Variants in CLASP2 observed in about 807,000 individuals in gnomAD.
CLASP2 encodes the protein CLIP-associating protein 2.
CLASP2 carries 47 observed loss-of-function variants against 194.4 expected under a neutral mutation model. The observed-to-expected ratio is 0.24, with a 90% confidence interval of 0.19 to 0.31. CLASP2 has a LOEUF of 0.31. Ranked by LOEUF, CLASP2 falls within the 10% of genes least tolerant of loss-of-function variation. The pLI is 1.00. For synonymous variants in CLASP2, 619 were observed against 633.5 expected (o/e 0.98, Z 0.34); for missense variants, 1,445 against 1,823.6 (o/e 0.79, Z 3.78).
At chr3:33,554,422 G>A (rs888971242) in intron 29 of CLASP2, among the ~76,000 whole-genome samples, 2 of 152,276 alleles carry the variant, frequency 1.3e-5, no homozygotes, top group East Asian at 3.9e-4. Flanking sequence ...GACAAATACT[G>A]TATGATCTTA....
At chr3:33,717,484 T>C (rs185454739) in intron 1 of CLASP2, among the ~76,000 whole-genome samples, 1 of 152,094 alleles carries the variant, frequency 6.6e-6, no homozygotes. Flanking sequence ...TGGAGTGCAG[T>C]GGCTCGATCT....
At chr3:33,640,735 T>C (rs1210628215) in intron 8 of CLASP2, among the ~76,000 whole-genome samples, 3 of 152,004 alleles carry the variant, frequency 2.0e-5, no homozygotes, top group East Asian at 1.9e-4. Flanking sequence ...GCCAAAATGA[T>C]TGATACAGGA....
chr3:33,647,643 G>A (rs1352135169), intron 7 of CLASP2, among the ~76,000 whole-genome samples: 2 of 152,188 alleles, frequency 1.3e-5, no homozygotes, highest in Admixed American at 1.3e-4. Flanking sequence ...GAGTGCAGTT[G>A]TGCTTCAATA....
chr3:33,605,830 C>T (rs1444105290), intron 16 of CLASP2, among the ~76,000 whole-genome samples: 3 of 152,036 alleles, frequency 2.0e-5, no homozygotes, highest in South Asian at 2.1e-4. Context: ...AGGCTGGTCT[C>T]GAACTCCTGA....
intron 7 of CLASP2, among the ~76,000 whole-genome samples, chr3:33,656,135 C>A (rs1024646287): frequency 6.6e-6 from 1 of 152,150 alleles, no homozygotes; most frequent in African/African-American, 2.4e-5. Flanking sequence ...AAAAGCCCCC[C>A]AAACCCACCC....
chr3:33,540,913 C>T (rs1384320599), intron 32 of CLASP2, among the ~76,000 whole-genome samples: 1 of 151,980 alleles, frequency 6.6e-6, no homozygotes, highest in East Asian at 1.9e-4. Flanking sequence ...GCTGGAACTA[C>T]CGGCATGCAC....
chr3:33,503,053 A>G (rs2047188654), intron 37 of CLASP2: 1 of 152,168 alleles, frequency 6.6e-6, no homozygotes, highest in African/African-American at 2.4e-5. Context: ...ATGGCATTCA[A>G]TGTTTAAATA....
At chr3:33,648,332 A>T (rs1218676168) in intron 7 of CLASP2, among the ~76,000 whole-genome samples, 2 of 152,106 alleles carry the variant, frequency 1.3e-5, no homozygotes, top group Non-Finnish European at 2.9e-5. Flanking sequence ...AATCAAAAGA[A>T]AGCTGGTGTA....
At chr3:33,657,412 T>A (rs536907941) in intron 7 of CLASP2, among the ~76,000 whole-genome samples, 33 of 152,166 alleles carry the variant, frequency 2.2e-4, no homozygotes, top group Middle Eastern at 3.4e-3. Context: ...GTTACTTTTT[T>A]AAAAATAATT....
chr3:33,524,010 C>T (rs2053841911), intron 34 of CLASP2, among the ~76,000 whole-genome samples: 1 of 151,794 alleles, frequency 6.6e-6, no homozygotes, highest in Non-Finnish European at 1.5e-5. Flanking sequence ...CAACTAAACA[C>T]AAAAGAAAGT....
intron 34 of CLASP2, among the ~76,000 whole-genome samples, chr3:33,519,535 TCAGAA>T (rs745913182): frequency 1.3e-5 from 2 of 151,558 alleles, no homozygotes; most frequent in Non-Finnish European, 2.9e-5. Context: ...AAAAGAAAAA[TCAGAA>T]CAGAAATAGA....
intron 9 of CLASP2, among the ~76,000 whole-genome samples, chr3:33,631,242 T>C (rs2079029913): frequency 6.6e-6 from 1 of 152,224 alleles, no homozygotes; most frequent in Non-Finnish European, 1.5e-5. Flanking sequence ...TATGATGAAA[T>C]TAGAACTATC....
intron 2 of CLASP2, among the ~76,000 whole-genome samples, chr3:33,696,374 T>G (rs1264552976): frequency 6.7e-6 from 1 of 148,942 alleles, no homozygotes; most frequent in East Asian, 1.9e-4. Flanking sequence ...TTTTTTTTTT[T>G]TTTTGCCTCA....
At chr3:33,571,928 C>G (rs559838317) in intron 25 of CLASP2, among the ~76,000 whole-genome samples, 1 of 152,180 alleles carries the variant, frequency 6.6e-6, no homozygotes, top group East Asian at 1.9e-4. Context: ...CTGTTGTAAC[C>G]CACACTATCT....
chr3:33,531,124 A>G (rs1339517089), intron 34 of CLASP2, among the ~76,000 whole-genome samples: 1 of 152,180 alleles, frequency 6.6e-6, no homozygotes, highest in Non-Finnish European at 1.5e-5. Flanking sequence ...AATGGCATAA[A>G]GACAGACACA....
At position 33,678,557 on chromosome 3, in the gene CLASP2, C is replaced by A. The variant is rs371441993; in HGVS notation, c.644+5802G>T. Among the ~76,000 whole-genome samples the A allele has an allele frequency of 4.1e-4, 62 of 152,018 alleles. No individual in the cohort carries two copies. The East Asian group carries it at 9.1e-3, about 22-fold the overall frequency. Reference sequence around the variant, plus strand: ...AGAATTCTATACCCAGTAAAATTATCCTTTAAAAGTAAAGAAGAAATAAAG... The same window carrying A: ...AGAATTCTATACCCAGTAAAATTATACTTTAAAAGTAAAGAAGAAATAAAG... On this transcript the variant is annotated intron_variant, in intron 6 of 38. Coordinates refer to ENST00000682230, the MANE Select transcript of CLASP2 (RefSeq NM_001365631.1).
intron 34 of CLASP2, among the ~76,000 whole-genome samples, chr3:33,522,855 G>C (rs1318438094): frequency 6.6e-6 from 1 of 152,188 alleles, no homozygotes; most frequent in Non-Finnish European, 1.5e-5. Context: ...CGGATCACAA[G>C]GTCAGGAGAT....
chr3:33,560,993 G>C, intron 27 of CLASP2, 22 bp from the exon 28 acceptor site: 3 of 1,602,804 alleles, frequency 1.9e-6, no homozygotes, highest in South Asian at 1.1e-5. Flanking sequence ...AAAGGGGAGA[G>C]GTAGGGAGAA....
At chr3:33,587,897 C>A (rs1472786752) in intron 21 of CLASP2, among the ~76,000 whole-genome samples, 1 of 152,086 alleles carries the variant, frequency 6.6e-6, no homozygotes, top group Non-Finnish European at 1.5e-5. Flanking sequence ...TGAGCACATA[C>A]AATATGGTAT....
Sources: allele counts gnomAD v4.1 joint callset (sites outside exome capture counted in the v4.1 genomes callset), GRCh38; gene constraint gnomAD v4.1.1; transcripts MANE v1.5; gene names NCBI Gene and HGNC (gene_info 2026-07-23, HGNC 2026-07-21).